Variants in KCNB2 observed in about 807,000 individuals in gnomAD.
The protein encoded by KCNB2 is potassium voltage-gated channel subfamily B member 2, also known as delayed rectifier potassium channel protein.
Under a neutral mutation model 61.5 loss-of-function variants are expected in KCNB2, and 15 were observed. That is an observed-to-expected ratio of 0.24 (90% confidence interval 0.16 to 0.38). KCNB2 has a LOEUF of 0.38. Ranked by LOEUF, KCNB2 falls within the 10% of genes least tolerant of loss-of-function variation. The probability of loss-of-function intolerance (pLI) is 1.00; values close to 1 mark genes in which losing one functional copy is unlikely to be tolerated. For missense variants in KCNB2, 828 were observed against 1,125.2 expected, an observed-to-expected ratio of 0.74 and a Z score of 3.78; for synonymous variants, 457 against 446.0, an observed-to-expected ratio of 1.02 and a Z score of -0.31.
intron 2 of KCNB2, among the ~76,000 whole-genome samples, chr8:72,859,286 A>G (rs10957630): frequency 0.85 from 129,789 of 152,184 alleles, 56,312 homozygotes; most frequent in Middle Eastern, 0.97. Context: ...GAAGTGTAGT[A>G]TGGAATATTA....
chr8:72,704,476 T>C (rs2128991309), intron 2 of KCNB2, among the ~76,000 whole-genome samples: 1 of 151,604 alleles, frequency 6.6e-6, no homozygotes, highest in South Asian at 2.1e-4. Flanking sequence ...TACAGCTCTC[T>C]CGGAGATACT....
intron 2 of KCNB2, among the ~76,000 whole-genome samples, chr8:72,607,065 T>C (rs1182516510): frequency 6.6e-6 from 1 of 152,054 alleles, no homozygotes; most frequent in Non-Finnish European, 1.5e-5. Context: ...TGTGTGTTGA[T>C]GTAGAGAGGA....
intron 2 of KCNB2, among the ~76,000 whole-genome samples, chr8:72,650,396 A>T (rs181749705): frequency 1.0e-3 from 157 of 152,238 alleles, no homozygotes; most frequent in Non-Finnish European, 9.0e-4. Context: ...TGCTCTTACA[A>T]CAAAAAGAGA....
At chr8:72,572,451 G>A (rs944603083) in intron 2 of KCNB2, among the ~76,000 whole-genome samples, 2 of 152,108 alleles carry the variant, frequency 1.3e-5, no homozygotes, top group Admixed American at 6.6e-5. Flanking sequence ...GTCAAGTGGG[G>A]CATGGTTTAG....
At chr8:72,771,323 A>G (rs1282195057) in intron 2 of KCNB2, among the ~76,000 whole-genome samples, 1 of 152,158 alleles carries the variant, frequency 6.6e-6, no homozygotes, top group Non-Finnish European at 1.5e-5. Context: ...TTAAATATTT[A>G]ATTTGCCTGC....
At chr8:72,653,351 G>A (rs2128986598) in intron 2 of KCNB2, among the ~76,000 whole-genome samples, 1 of 152,080 alleles carries the variant, frequency 6.6e-6, no homozygotes, top group Non-Finnish European at 1.5e-5. Flanking sequence ...TTTATCCCAG[G>A]TTCTTCTCAA....
intron 2 of KCNB2, among the ~76,000 whole-genome samples, chr8:72,908,508 T>C (rs74391501): frequency 0.011 from 1,639 of 152,254 alleles, 24 homozygotes; most frequent in African/African-American, 0.037. Flanking sequence ...AATGGATGGG[T>C]CAATGAATGA....
chr8:72,724,349 A>G (rs569525039), intron 2 of KCNB2, among the ~76,000 whole-genome samples: 18 of 152,360 alleles, frequency 1.2e-4, no homozygotes, highest in Middle Eastern at 3.4e-3. Context: ...TGGCTTACAA[A>G]TGGAGGACAA....
chr8:72,924,361 ATTT>A (rs61487070), intron 2 of KCNB2, among the ~76,000 whole-genome samples: 11 of 151,824 alleles, frequency 7.2e-5, no homozygotes, highest in African/African-American at 2.2e-4. Flanking sequence ...TCCAATTCTG[ATTT>A]TTTTTTTAAG....
chr8:72,718,109 ATGAGATACT>A (rs1807477396), intron 2 of KCNB2, among the ~76,000 whole-genome samples: 2 of 152,162 alleles, frequency 1.3e-5, no homozygotes, highest in Non-Finnish European at 2.9e-5. Flanking sequence ...CAAAACCACA[ATGAGATACT>A]ATCTCACACC....
At chr8:72,776,875 C>T (rs1808663047) in intron 2 of KCNB2, among the ~76,000 whole-genome samples, 1 of 152,160 alleles carries the variant, frequency 6.6e-6, no homozygotes, top group Admixed American at 6.5e-5. Context: ...CTAAGCTCTC[C>T]ACCTTTGATT....
At chr8:72,720,518 C>G (rs1414186526) in intron 2 of KCNB2, among the ~76,000 whole-genome samples, 1 of 152,130 alleles carries the variant, frequency 6.6e-6, no homozygotes, top group Non-Finnish European at 1.5e-5. Context: ...TCCCGACTCT[C>G]CACACTCTTC....
At chr8:72,691,061 G>A (rs891060388) in intron 2 of KCNB2, among the ~76,000 whole-genome samples, 2 of 152,168 alleles carry the variant, frequency 1.3e-5, no homozygotes, top group African/African-American at 2.4e-5. Flanking sequence ...TGATGGGCTG[G>A]TTCGACTCCC....
chr8:72,868,113 G>T (rs904687672), intron 2 of KCNB2, among the ~76,000 whole-genome samples: 1 of 146,826 alleles, frequency 6.8e-6, no homozygotes, highest in African/African-American at 2.5e-5. Flanking sequence ...ACTCCATTGC[G>T]CAGGCTAGAG....
intron 1 of KCNB2, among the ~76,000 whole-genome samples, chr8:72,540,726 G>A (rs1806176522): frequency 6.6e-6 from 1 of 152,102 alleles, no homozygotes; most frequent in South Asian, 2.1e-4. Flanking sequence ...AGTACGGGTT[G>A]TGAGGCAGAA....
intron 2 of KCNB2, among the ~76,000 whole-genome samples, chr8:72,919,093 C>A (rs1340828797): frequency 6.6e-6 from 1 of 152,216 alleles, no homozygotes; most frequent in Non-Finnish European, 1.5e-5. Context: ...GTATTATCAT[C>A]TCCAAAGGAG....
intron 2 of KCNB2, among the ~76,000 whole-genome samples, chr8:72,839,154 C>T (rs1207549716): frequency 1.3e-5 from 2 of 152,150 alleles, no homozygotes; most frequent in Admixed American, 1.3e-4. Context: ...CAAACGTATA[C>T]CTTTTCTAGT....
intron 2 of KCNB2, among the ~76,000 whole-genome samples, chr8:72,886,093 TATATATTTAA>T (rs1805802870): frequency 6.6e-6 from 1 of 152,254 alleles, no homozygotes; most frequent in Non-Finnish European, 1.5e-5. Context: ...TGTTCAACTT[TATATATTTAA>T]AGATGATGTT....
At chr8:72,888,778 A>C (rs1336885436) in intron 2 of KCNB2, among the ~76,000 whole-genome samples, 1 of 152,208 alleles carries the variant, frequency 6.6e-6, no homozygotes, top group Non-Finnish European at 1.5e-5. Context: ...AACATAAGCC[A>C]GTCTCTCTCC....
Sources: gnomAD v4.1 joint callset for allele counts (sites outside exome capture counted in the v4.1 genomes callset) on GRCh38, gnomAD v4.1.1 for gene constraint, MANE v1.5 for transcripts, NCBI Gene and HGNC (gene_info 2026-07-23, HGNC 2026-07-21) for gene names.